UBE2G1: variants seen among roughly 807,000 people sequenced by gnomAD.
The protein encoded by UBE2G1 is ubiquitin-conjugating enzyme E2 G1.
In UBE2G1, 5 loss-of-function variants were observed where a neutral mutation model predicts 22.7. The ratio of observed to expected loss-of-function variants is 0.22; its 90% CI spans 0.12 to 0.46. The LOEUF is 0.46. Ranked by LOEUF, UBE2G1 falls within the 20% of genes least tolerant of loss-of-function variation. UBE2G1 has a pLI of 0.99. For synonymous variants in UBE2G1, 74 were observed against 67.5 expected, an observed-to-expected ratio of 1.10 and a Z score of -0.47; for missense variants, 88 against 203.9, an observed-to-expected ratio of 0.43 and a Z score of 3.46.
chr17:4,335,962 A>G (rs149854335), intron 1 of UBE2G1, among the ~76,000 whole-genome samples: 4 of 152,272 alleles, frequency 2.6e-5, no homozygotes, highest in Admixed American at 6.5e-5. Flanking sequence ...CCTGGCCAAC[A>G]TGGTGAAATC....
At position 4,294,768 on chromosome 17, in the gene UBE2G1, T is replaced by C. The variant is rs903143852; in HGVS notation, c.247+1949A>G. 5.3e-5 allele frequency among the ~76,000 whole-genome samples: 8 copies of C among 152,120 alleles called. No homozygotes were observed. The East Asian group carries it at 1.5e-3, about 29-fold the overall frequency. ...CGTCTTTACAAAAAAAAACAAAAAT[T>C]AGCTGGGTGTGGTGGCGTGTCCCTG... On this transcript the variant is annotated intron_variant, in intron 3 of 5. Coordinates refer to ENST00000396981, the MANE Select transcript of UBE2G1 (RefSeq NM_003342.5).
chr17:4,331,921 A>G (rs1033300264), intron 1 of UBE2G1: 1 of 152,214 alleles, frequency 6.6e-6, no homozygotes, highest in Non-Finnish European at 1.5e-5. Flanking sequence ...GAGAATGTCT[A>G]AAGTTGATAA....
At chr17:4,354,709 T>C (rs781679219) in intron 1 of UBE2G1, among the ~76,000 whole-genome samples, 42 of 152,128 alleles carry the variant, frequency 2.8e-4, no homozygotes, top group African/African-American at 8.4e-4. Context: ...GGTGGGAGGA[T>C]TGCTTGAACC....
intron 5 of UBE2G1, among the ~76,000 whole-genome samples, chr17:4,279,706 C>T (rs1284904746): frequency 6.6e-6 from 1 of 151,122 alleles, no homozygotes; most frequent in African/African-American, 2.5e-5. Context: ...ACCCAGGAGA[C>T]GGAGATTGCA....
intron 1 of UBE2G1, among the ~76,000 whole-genome samples, chr17:4,360,145 C>CCA (rs1050333260): frequency 1.3e-5 from 2 of 152,014 alleles, no homozygotes; most frequent in African/African-American, 2.4e-5. Flanking sequence ...TTCCATAAGC[C>CCA]CACACTTCCT....
At chr17:4,276,317 G>A (rs758019923) in intron 5 of UBE2G1, among the ~76,000 whole-genome samples, 19 of 151,882 alleles carry the variant, frequency 1.3e-4, no homozygotes, top group Non-Finnish European at 2.4e-4. Flanking sequence ...TGGGATTACA[G>A]TCGCACACCA....
chr17:4,344,157 A>G lies in UBE2G1; in HGVS notation c.46+22114T>C, dbSNP rs567184131. Among the ~76,000 whole-genome samples, 5 of 152,300 alleles carry G rather than the reference A, an allele frequency of 3.3e-5. 1 individual carries two copies. In the East Asian group the frequency reaches 7.7e-4, roughly 23 times the overall value. ...AGTTCATAGGAGGAATAAATTGCAT[A>G]CCAAGAAAAAAAGCAATCAAGAGTT... On this transcript the variant is annotated intron_variant, in intron 1 of 5. Coordinates refer to ENST00000396981, the MANE Select transcript of UBE2G1 (RefSeq NM_003342.5).
At position 4,338,810 on chromosome 17, in the gene UBE2G1, T is replaced by G. The variant is rs548171838; in HGVS notation, c.46+27461A>C. Among the ~76,000 whole-genome samples, 7 of 152,296 alleles carry G rather than the reference T, an allele frequency of 4.6e-5. No homozygotes were observed. The South Asian group carries it at 1.5e-3, about 32-fold the overall frequency. ...GATCAATCAGAAAAAATGCCAGAGC[T>G]AGGCTCTGCTGCAGCACCATCCTCT... On this transcript the variant is annotated intron_variant, in intron 1 of 5. Coordinates refer to ENST00000396981, the MANE Select transcript of UBE2G1 (RefSeq NM_003342.5).
intron 2 of UBE2G1, among the ~76,000 whole-genome samples, chr17:4,300,212 T>C (rs1012034080): frequency 2.0e-5 from 3 of 152,086 alleles, no homozygotes; most frequent in Admixed American, 1.3e-4. Context: ...GACTACACAT[T>C]AACATGTCAC....
chr17:4,293,848 C>A (rs2143704833), intron 3 of UBE2G1, among the ~76,000 whole-genome samples: 1 of 152,296 alleles, frequency 6.6e-6, no homozygotes, highest in South Asian at 2.1e-4. Context: ...ACCCTTCCTG[C>A]AACACTATTC....
chr17:4,281,627 A>T (rs1333658437), intron 5 of UBE2G1, among the ~76,000 whole-genome samples: 1 of 152,202 alleles, frequency 6.6e-6, no homozygotes. Flanking sequence ...GTAGCTGGAC[A>T]ACTCTTAGAC....
At chr17:4,351,322 TATTGCTTCCCCA>T (rs1242369342) in intron 1 of UBE2G1, among the ~76,000 whole-genome samples, 1 of 152,230 alleles carries the variant, frequency 6.6e-6, no homozygotes, top group East Asian at 1.9e-4. Flanking sequence ...ATCACAGTCA[TATTGCTTCCCCA>T]ATAGCCATGC....
chr17:4,345,110 G>A (rs1231963034), intron 1 of UBE2G1, among the ~76,000 whole-genome samples: 1 of 152,170 alleles, frequency 6.6e-6, no homozygotes, highest in African/African-American at 2.4e-5. Context: ...GAAGGGACAA[G>A]CAGAGTGACA....
intron 5 of UBE2G1, among the ~76,000 whole-genome samples, chr17:4,279,763 A>C (rs778737225): frequency 1.3e-4 from 16 of 119,112 alleles, no homozygotes; most frequent in East Asian, 2.6e-4. Context: ...CGACACAGCG[A>C]AACTCTGCCC....
chr17:4,295,331 C>T (rs1051715494), intron 3 of UBE2G1, among the ~76,000 whole-genome samples: 2 of 152,196 alleles, frequency 1.3e-5, no homozygotes, highest in African/African-American at 4.8e-5. Context: ...AAATCACTAT[C>T]TTTTACGATC....
chr17:4,335,879 C>T (rs1166925951), intron 1 of UBE2G1, among the ~76,000 whole-genome samples: 1 of 152,170 alleles, frequency 6.6e-6, no homozygotes, highest in Non-Finnish European at 1.5e-5. Flanking sequence ...GACACTGTAG[C>T]TCTCACCTAT....
intron 1 of UBE2G1, among the ~76,000 whole-genome samples, chr17:4,347,053 G>A (rs1039682875): frequency 3.3e-5 from 5 of 151,922 alleles, no homozygotes; most frequent in African/African-American, 7.2e-5. Flanking sequence ...CTCAGGAGGC[G>A]GAGGCAGGAG....
At position 4,291,197 on chromosome 17, in the gene UBE2G1, C is replaced by T. The variant is rs956664388; in HGVS notation, c.248-1789G>A. 7.2e-5 allele frequency among the ~76,000 whole-genome samples: 11 copies of T among 152,136 alleles called. No homozygotes were observed. The East Asian group carries it at 2.1e-3, about 29-fold the overall frequency. On this transcript the variant is annotated intron_variant, in intron 3 of 5. Transcript: ENST00000396981. The stretch of plus-strand genomic sequence containing the variant: ...CCAACATGGAGAAATCCCATCTCTA[C>T]TAAAAATACAAAATTAGCTGGCTGT...
At chr17:4,289,054 A>T (rs1434621482) in intron 4 of UBE2G1, among the ~76,000 whole-genome samples, 176 bp downstream of exon 4, 3 of 152,058 alleles carry the variant, frequency 2.0e-5, no homozygotes, top group African/African-American at 7.3e-5. Flanking sequence ...AATAAAATAA[A>T]TACGTAAATA....
Sources: allele counts gnomAD v4.1 joint callset (sites outside exome capture counted in the v4.1 genomes callset), GRCh38; gene constraint gnomAD v4.1.1; transcripts MANE v1.5; gene names NCBI Gene and HGNC (gene_info 2026-07-23, HGNC 2026-07-21).